Variants in ZSWIM2 observed in about 807,000 individuals in gnomAD.
The protein encoded by ZSWIM2 is zinc finger SWIM-type containing 2.
A neutral mutation model predicts 48.4 loss-of-function variants in ZSWIM2; 38 were observed. The observed-to-expected ratio is 0.79, with a 90% confidence interval of 0.61 to 1.03. ZSWIM2 has a LOEUF of 1.03. Among genes scored for constraint, ZSWIM2 ranks in the 50% least tolerant of loss-of-function variants. The probability of loss-of-function intolerance (pLI) is 0.00; values close to 1 mark genes in which losing one functional copy is unlikely to be tolerated. For synonymous variants in ZSWIM2, 240 were observed against 251.3 expected (o/e 0.96, Z 0.42); for missense variants, 776 against 730.2 (o/e 1.06, Z -0.72).
Position 186,849,122 on chromosome 2 carries a change from G to T in ZSWIM2, c.9C>A (p.Arg3=). 1 of 1,610,326 alleles carries T rather than the reference G, an allele frequency of 6.2e-7. No homozygotes were observed. The highest frequency in any genetic ancestry group is 8.5e-7 in the Non-Finnish European group (1 of 1,177,578). ...GCCTTTCAGAGGCCTTATAGCCTCG[G>T]CGAAGCATGCTGGGTGCGGGCGGAG... ML[R]RGYKASERRR... is the part of the protein sequence containing the mutation. The change falls in exon 1 of 9, where the codon CGC becomes CGA. Residue 3 remains arginine (R), a synonymous_variant. Transcript: ENST00000295131.
rs1691850988 is a variant in ZSWIM2, at chr2:186,838,879, A to T, written c.494+80T>A. The T allele has an allele frequency of 3.9e-6, 5 of 1,280,432 alleles. No homozygotes were observed. The African/African-American group carries it at 4.6e-5, about 12-fold the overall frequency. The allele number at this position is 1,280,432 out of a possible 1,614,324, so 79.3% of individuals were successfully genotyped here. A position where few individuals can be genotyped will look rare whatever the true frequency, so the allele number is the denominator to read the frequency against. On this transcript the variant is annotated intron_variant, in intron 4 of 8. Transcript: ENST00000295131. Reference sequence around the variant, plus strand: ...TAAAGTTGTCTATTTTTTCCCTATCATGTCTCCTAAGGTAATAAATCAGAA... The same window carrying T: ...TAAAGTTGTCTATTTTTTCCCTATCTTGTCTCCTAAGGTAATAAATCAGAA...
At chr2:186,844,962 T>C (rs1033069489) in intron 2 of ZSWIM2, among the ~76,000 whole-genome samples, 2 of 151,570 alleles carry the variant, frequency 1.3e-5, no homozygotes, top group African/African-American at 4.8e-5. Flanking sequence ...AAAGTATGAT[T>C]AATGAAAACA....
At chr2:186,838,232 TTAAAAA>T (rs1367066522) in intron 4 of ZSWIM2, among the ~76,000 whole-genome samples, 1 of 146,146 alleles carries the variant, frequency 6.8e-6, no homozygotes, top group Non-Finnish European at 1.5e-5. Context: ...AATAAAAAAA[TTAAAAA>T]TAAAATAAAA....
At chr2:186,832,458 G>A (rs1253257429) in intron 7 of ZSWIM2, among the ~76,000 whole-genome samples, 1 of 151,916 alleles carries the variant, frequency 6.6e-6, no homozygotes. Flanking sequence ...ATTGCAAAAG[G>A]TCTGGAGACC....
At chr2:186,832,434 A>C (rs1270084011) in intron 7 of ZSWIM2, among the ~76,000 whole-genome samples, 1 of 151,880 alleles carries the variant, frequency 6.6e-6, no homozygotes, top group African/African-American at 2.4e-5. Flanking sequence ...AATTTTCTGT[A>C]ATTGAACAGG....
intron 4 of ZSWIM2, 68 bp downstream of exon 4, chr2:186,838,891 G>A: frequency 1.4e-6 from 2 of 1,423,794 alleles, no homozygotes; most frequent in Non-Finnish European, 1.9e-6. Context: ...GTCTCCTAAG[G>A]TAATAAATCA....
At chr2:186,829,206 C>T (rs1018612013) in intron 8 of ZSWIM2, among the ~76,000 whole-genome samples, 3 of 152,028 alleles carry the variant, frequency 2.0e-5, no homozygotes, top group African/African-American at 7.2e-5. Flanking sequence ...CTAAGGATGA[C>T]TCTAAAGCTT....
chr2:186,848,996 C>T lies in ZSWIM2; in HGVS notation c.135G>A (p.Arg45=). The change falls in exon 1 of 9, where the codon AGG becomes AGA. Residue 45 remains arginine (R), a synonymous_variant. Coordinates refer to ENST00000295131, the MANE Select transcript of ZSWIM2 (RefSeq NM_182521.3). ...REMGPTGFLL[R]EEEPEYMDFR... is the part of the protein sequence containing the mutation. The stretch of plus-strand genomic sequence containing the variant: ...AATCCATGTATTCCGGCTCCTCCTC[C>T]CTCAGCAGGAAGCCAGTGGGGCCCA... The T allele has an allele frequency of 6.2e-7, 1 of 1,614,172 alleles. No homozygotes were observed. The highest frequency in any genetic ancestry group is 8.5e-7 in the Non-Finnish European group (1 of 1,180,026).
chr2:186,828,746 A>G lies in ZSWIM2; in HGVS notation c.1140T>C (p.Asn380=), dbSNP rs751174659. 2.5e-6 allele frequency: 4 copies of G among 1,599,632 alleles called. No homozygotes were observed. Among genetic ancestry groups the G allele is most frequent in the Non-Finnish European group, 3.4e-6 (4 of 1,174,192 alleles). Residue 380 remains asparagine, a synonymous_variant, in exon 9 of 9, where the codon AAT becomes AAC. Transcript: ENST00000295131. ...TAACTTGTCCATCAATAGGGCATGAATTGCACTTGTGGAATAACCAGTTGT... is the reference window on the plus strand; with the variant it reads ...TAACTTGTCCATCAATAGGGCATGAGTTGCACTTGTGGAATAACCAGTTGT... ...CIDNWLFHKC[N]SCPIDGQVIY...
chr2:186,847,089 G>A (rs1284874171), intron 2 of ZSWIM2, among the ~76,000 whole-genome samples: 1 of 151,666 alleles, frequency 6.6e-6, no homozygotes, highest in East Asian at 1.9e-4. Flanking sequence ...TCACTATTGG[G>A]GTGATTAGTA....
At position 186,849,076 on chromosome 2, in the gene ZSWIM2, G is replaced by C; in HGVS notation, c.55C>G (p.Leu19Val). The change falls in exon 1 of 9, where the codon CTC becomes GTC. Residue 19 changes from leucine to valine, a missense_variant. By Grantham distance (32) the Leu-to-Val change is conservative. Transcript: ENST00000295131. Reference sequence around the variant, plus strand: ...AGCGCCTGGTCTTGGTGCCAGCTGAGCCTCTCGCTCAAGTGTCTTCGCCTT... The same window carrying C: ...AGCGCCTGGTCTTGGTGCCAGCTGACCCTCTCGCTCAAGTGTCTTCGCCTT... ...SERRRHLSER[L>V]SWHQDQALSS... The C allele has an allele frequency of 6.2e-7, 1 of 1,614,116 alleles. No individual in the cohort carries two copies. The highest frequency in any genetic ancestry group is 8.5e-7 in the Non-Finnish European group (1 of 1,180,006).
At chr2:186,834,297 G>A (rs555869014) in intron 5 of ZSWIM2, among the ~76,000 whole-genome samples, 2 of 152,126 alleles carry the variant, frequency 1.3e-5, no homozygotes, top group Non-Finnish European at 2.9e-5. Flanking sequence ...GGTTGGCAGG[G>A]CTGTGTTACT....
At chr2:186,834,152 A>G in intron 5 of ZSWIM2, 122 bp from the exon 6 acceptor site, 2 of 674,158 alleles carry the variant, frequency 3.0e-6, no homozygotes, top group Non-Finnish European at 2.6e-6. Context: ...GTTCACCTCA[A>G]GTCACACTGT....
At chr2:186,830,885 T>C (rs1201165845) in intron 7 of ZSWIM2, among the ~76,000 whole-genome samples, 1 of 152,192 alleles carries the variant, frequency 6.6e-6, no homozygotes, top group Non-Finnish European at 1.5e-5. Context: ...TCAAAAGTCA[T>C]TCAGAACAAA....
rs1691733986 is a variant in ZSWIM2 at position 186,833,170 on chromosome 2, A to G, written c.891T>C (p.Asp297=). 6.5e-7 allele frequency: 1 copy of G among 1,531,504 alleles called. No individual in the cohort carries two copies. Among genetic ancestry groups the G allele is most frequent in the Non-Finnish European group, 8.8e-7 (1 of 1,142,854 alleles). The allele number at this position is 1,531,504 out of a possible 1,614,324, so 94.9% of individuals were successfully genotyped here. The stretch of plus-strand genomic sequence containing the variant: ...TCTTTTCTTCAATCTCATTTTTAGT[A>G]TCTATGTATTTTACAACTTCATCTG... ...KRADEVVKYI[D]TKNEIEEKMS... is the part of the protein sequence containing the mutation. The change falls in exon 7 of 9, where the codon GAT becomes GAC. Residue 297 remains aspartate (D), a synonymous_variant. Coordinates refer to ENST00000295131, the MANE Select transcript of ZSWIM2 (RefSeq NM_182521.3).
At position 186,828,272 on chromosome 2, in the gene ZSWIM2, G is replaced by C; in HGVS notation, c.1614C>G (p.His538Gln). 6.2e-7 allele frequency: 1 copy of C among 1,613,628 alleles called. No homozygotes were observed. The change falls in exon 9 of 9, where the codon CAC (histidine) becomes CAG (glutamine). Residue 538 changes from histidine to glutamine, a missense_variant. Physicochemically the swap from His to Gln is conservative, Grantham distance 24. Coordinates refer to ENST00000295131, the MANE Select transcript of ZSWIM2 (RefSeq NM_182521.3). ...MESPCISGKF[H>Q]TSLSRMTKGC... ...CTTTGGTCATCCGGCTTAGACTAGT[G>C]TGAAATTTTCCACTGATGCATGGAC...
chr2:186,830,580 A>T (rs1388930403), intron 7 of ZSWIM2, among the ~76,000 whole-genome samples: 3 of 152,122 alleles, frequency 2.0e-5, no homozygotes, highest in Admixed American at 1.3e-4. Context: ...AGTGAAGGGT[A>T]TGGTAAGCCA....
At chr2:186,846,613 G>A (rs1203894676) in intron 2 of ZSWIM2, among the ~76,000 whole-genome samples, 1 of 151,728 alleles carries the variant, frequency 6.6e-6, no homozygotes, top group South Asian at 2.1e-4. Context: ...CCATGACCCA[G>A]CAATCCTATT....
At chr2:186,836,638 G>A (rs937799896) in intron 5 of ZSWIM2, among the ~76,000 whole-genome samples, 2 of 151,954 alleles carry the variant, frequency 1.3e-5, no homozygotes, top group Non-Finnish European at 1.5e-5. Flanking sequence ...TTGAAATAAT[G>A]TTTTCTTCTT....
Sources: gnomAD v4.1 joint callset for allele counts (sites outside exome capture counted in the v4.1 genomes callset) on GRCh38, gnomAD v4.1.1 for gene constraint, MANE v1.5 for transcripts, NCBI Gene and HGNC (gene_info 2026-07-23, HGNC 2026-07-21) for gene names.